The following MYH14 variants were observed in gnomAD, a reference collection of about 807,000 sequenced individuals.
MYH14 encodes the protein myosin heavy chain 14, also known as myosin-14.
In MYH14, 123 loss-of-function variants were observed where a neutral mutation model predicts 255.5. That is an observed-to-expected ratio of 0.48 (90% confidence interval 0.42 to 0.56). The LOEUF is 0.56. Among genes scored for constraint, MYH14 ranks in the 20% least tolerant of loss-of-function variants. The probability of loss-of-function intolerance (pLI) is 0.00; values close to 1 mark genes in which losing one functional copy is unlikely to be tolerated. For synonymous variants in MYH14, 1,095 were observed against 1,161.2 expected (o/e 0.94, Z 1.16); for missense variants, 2,423 against 2,802.3 (o/e 0.86, Z 3.06).
At chr19:50,243,888 G>A (rs969060044) in intron 10 of MYH14, among the ~76,000 whole-genome samples, 1 of 151,988 alleles carries the variant, frequency 6.6e-6, no homozygotes, top group Non-Finnish European at 1.5e-5. Flanking sequence ...GTATCATAGC[G>A]ATAGGGCAAG....
At position 50,251,947 on chromosome 19, in the gene MYH14, AC is replaced by A. The variant is rs367653543; in HGVS notation, c.1831-688del. Among the ~76,000 whole-genome samples, 516 of 152,142 alleles carry A rather than the reference AC, an allele frequency of 3.4e-3. 2 individuals carry two copies. Among genetic ancestry groups the A allele is most frequent in the South Asian group, 0.011 (55 of 4,816 alleles). ...TTTGCCTGTGAGCCATAGTTTGCTG[AC>A]CCCTGGTTTTGATGATGTGGACCAG... On this transcript the variant is annotated intron_variant, in intron 15 of 42. Coordinates refer to ENST00000642316, the MANE Select transcript of MYH14 (RefSeq NM_001145809.2).
At chr19:50,209,793 A>AT (rs2032054798) in intron 1 of MYH14, among the ~76,000 whole-genome samples, 1 of 147,784 alleles carries the variant, frequency 6.8e-6, no homozygotes, top group African/African-American at 2.5e-5. Context: ...CAAAAAAAAA[A>AT]AAAAAAGAAA....
chr19:50,205,365 C>A, intron 1 of MYH14: 1 of 153,910 alleles, frequency 6.5e-6, no homozygotes, highest in South Asian at 1.8e-4. Context: ...CGGCCCCCGT[C>A]AGAGGCCCTG....
At chr19:50,273,150 G>A (rs2035373201) in intron 27 of MYH14, among the ~76,000 whole-genome samples, 2 of 151,960 alleles carry the variant, frequency 1.3e-5, no homozygotes, top group South Asian at 2.1e-4. Flanking sequence ...AGTTAGCTGG[G>A]TGTGGTGGCG....
At position 50,293,166 on chromosome 19, in the gene MYH14, A is replaced by G; in HGVS notation, c.5257-67A>G. 1 of 1,156,460 alleles carries G rather than the reference A, an allele frequency of 8.6e-7. No homozygotes were observed. The highest frequency in any genetic ancestry group is 1.3e-6 in the Non-Finnish European group (1 of 785,836). The allele number at this position is 1,156,460 out of a possible 1,614,324, so 71.6% of individuals were successfully genotyped here. A position where few individuals can be genotyped will look rare whatever the true frequency, so the allele number is the denominator to read the frequency against. ...GAGCCTTGAGGTGTGAGGGACAGAG[A>G]AAGGGGTGAGACCCGTGCCCAGATT... is the stretch of plus-strand genomic sequence containing the variant. On this transcript the variant is annotated intron_variant, in intron 37 of 42. Coordinates refer to ENST00000642316, the MANE Select transcript of MYH14 (RefSeq NM_001145809.2). This position sits in a 1 kb window ranked among gnomAD's most constrained non-coding sequence, Gnocchi z 4.1.
At chr19:50,231,016 G>A (rs771746981) in intron 9 of MYH14, 50 of 257,016 alleles carry the variant, frequency 1.9e-4, no homozygotes, top group Admixed American at 2.5e-4. Flanking sequence ...GTTGCTTCTC[G>A]GCTCGTGCTG....
intron 1 of MYH14, among the ~76,000 whole-genome samples, chr19:50,207,271 C>CAGAGAGAG (rs764396652): frequency 0.13 from 9,637 of 76,734 alleles, 1,794 homozygotes; most frequent in African/African-American, 0.21. Context: ...GAGAGAGAGA[C>CAGAGAGAG]AGAGAGAGAG....
chr19:50,300,102 T>C (rs565720741), intron 39 of MYH14, among the ~76,000 whole-genome samples: 1 of 152,162 alleles, frequency 6.6e-6, no homozygotes, highest in African/African-American at 2.4e-5. Flanking sequence ...CAGGATAACA[T>C]GATATTTTGG....
Position 50,293,445 on chromosome 19 carries a change from C to T in MYH14, c.5346-119C>T, listed in dbSNP as rs2036156453. The T allele has an allele frequency of 6.5e-7, 1 of 1,539,864 alleles. No homozygotes were observed. Among genetic ancestry groups the T allele is most frequent in the Non-Finnish European group, 8.8e-7 (1 of 1,135,084 alleles). ...AGGTGGGCGGGGTTAACCTCGGGGC[C>T]CCTGGGGTGTGAGGCTGGGGAGATG... On this transcript the variant is annotated intron_variant, in intron 38 of 42. Transcript: ENST00000642316. This position sits in a 1 kb window ranked among gnomAD's most constrained non-coding sequence, Gnocchi z 4.1.
chr19:50,209,628 G>C (rs10411184), intron 1 of MYH14, among the ~76,000 whole-genome samples: 14,334 of 151,256 alleles, frequency 0.095, 1,257 homozygotes, highest in African/African-American at 0.24. Context: ...ACTAAAAATA[G>C]AAAACAATAG....
intron 10 of MYH14, among the ~76,000 whole-genome samples, chr19:50,237,334 T>G (rs1333333790): frequency 1.3e-5 from 2 of 151,724 alleles, no homozygotes; most frequent in African/African-American, 4.8e-5. Context: ...AACATTTTTT[T>G]TTTTTTTTGA....
At chr19:50,209,314 G>A (rs1044272602) in intron 1 of MYH14, among the ~76,000 whole-genome samples, 5 of 152,144 alleles carry the variant, frequency 3.3e-5, no homozygotes, top group East Asian at 1.9e-4. Flanking sequence ...GGAGGCAGGC[G>A]TCTTCTTCCA....
intron 39 of MYH14, among the ~76,000 whole-genome samples, chr19:50,299,397 C>T (rs2036395045): frequency 6.6e-6 from 1 of 150,860 alleles, no homozygotes; most frequent in Non-Finnish European, 1.5e-5. Flanking sequence ...TGGAGAAATC[C>T]CATCTCTACA....
At chr19:50,253,299 C>T (rs951761843) in intron 16 of MYH14, among the ~76,000 whole-genome samples, 7 of 152,010 alleles carry the variant, frequency 4.6e-5, no homozygotes, top group Non-Finnish European at 8.8e-5. Context: ...AACAATTAGC[C>T]AGATGTCCTG....
chr19:50,210,479 C>T lies in MYH14; in HGVS notation c.114C>T (p.Gly38=), dbSNP rs1289494054. ...CGCCCCGCGGGCCCAGCGCGGGTGG[C>T]GGGCCTGGCTCGGGCACCTCCCCGC... ...LFTPRGPSAG[G]GPGSGTSPQV... The change falls in exon 2 of 43, where the codon GGC becomes GGT. Residue 38 remains glycine, a synonymous_variant. Coordinates refer to ENST00000642316, the MANE Select transcript of MYH14 (RefSeq NM_001145809.2). 1.3e-6 allele frequency: 2 copies of T among 1,549,870 alleles called. No homozygotes were observed. The highest frequency in any genetic ancestry group is 1.7e-4 in the Middle Eastern group (1 of 5,900).
At chr19:50,286,247 C>G in intron 33 of MYH14, 1 of 419,360 alleles carries the variant, frequency 2.4e-6, no homozygotes, top group Admixed American at 3.9e-5. Flanking sequence ...GAAGGAATGC[C>G]CTTTCTTCTG....
Position 50,280,402 on chromosome 19 carries a change from G to A in MYH14, c.4290+19G>A. The stretch of plus-strand genomic sequence containing the variant: ...GGCCCAGGTGAGCAGCCCTACGTAA[G>A]ACCTTCAGGGAGGCACAGCCCCCCT... On this transcript the variant is annotated intron_variant, in intron 32 of 42. Transcript: ENST00000642316. The surrounding 1 kb of genome is among the most constrained non-coding windows in gnomAD (Gnocchi z 4.8). 2.0e-6 allele frequency: 3 copies of A among 1,506,408 alleles called. No homozygotes were observed. The highest frequency in any genetic ancestry group is 2.7e-6 in the Non-Finnish European group (3 of 1,121,674). 93.3% of individuals were successfully genotyped at this position (1,506,408 alleles called of 1,614,324 possible).
rs2036139980 is a variant in MYH14 at position 50,293,068 on chromosome 19, A to G, written c.5257-165A>G. ...TGAGCACAGGTCAGGGGCTCAGGAG[A>G]CAGATTTAGGAGACATCTGTAGGTT... On this transcript the variant is annotated intron_variant, in intron 37 of 42. Coordinates refer to ENST00000642316, the MANE Select transcript of MYH14 (RefSeq NM_001145809.2). The surrounding 1 kb of genome is among the most constrained non-coding windows in gnomAD (Gnocchi z 4.1). Among the ~76,000 whole-genome samples, 1 of 151,750 alleles carries G rather than the reference A, an allele frequency of 6.6e-6. No homozygotes were observed. The highest frequency in any genetic ancestry group is 6.6e-5 in the Admixed American group (1 of 15,242).
At chr19:50,251,550 A>G (rs2034394769) in intron 15 of MYH14, among the ~76,000 whole-genome samples, 1 of 142,024 alleles carries the variant, frequency 7.0e-6, no homozygotes, top group Admixed American at 7.2e-5. Context: ...ACACACACAC[A>G]CACACACACA....
Sources: gnomAD v4.1 joint callset for allele counts (sites outside exome capture counted in the v4.1 genomes callset) on GRCh38, gnomAD v4.1.1 for gene constraint, Gnocchi (gnomAD v3.1) non-coding constraint, MANE v1.5 for transcripts, NCBI Gene and HGNC (gene_info 2026-07-23, HGNC 2026-07-21) for gene names.